SCMH1: variants seen among roughly 807,000 people sequenced by gnomAD.
The protein encoded by SCMH1 is Scm polycomb group protein homolog 1.
SCMH1 carries 37 observed loss-of-function variants against 70.8 expected under a neutral mutation model. That is an observed-to-expected ratio of 0.52 (90% CI 0.40 to 0.69). The LOEUF is 0.69. Among genes scored for constraint, SCMH1 ranks in the 30% least tolerant of loss-of-function variants. The pLI is 0.00. For missense variants in SCMH1, 607 were observed against 827.3 expected (o/e 0.73, Z 3.27); for synonymous variants, 292 against 307.4 (o/e 0.95, Z 0.52).
At chr1:41,143,590 A>G (rs1644292108) in intron 5 of SCMH1, among the ~76,000 whole-genome samples, 1 of 152,238 alleles carries the variant, frequency 6.6e-6, no homozygotes, top group African/African-American at 2.4e-5. Context: ...TACAATAGAC[A>G]TACAATAAAC....
chr1:41,233,241 T>C (rs1661658889), intron 1 of SCMH1, among the ~76,000 whole-genome samples: 1 of 152,156 alleles, frequency 6.6e-6, no homozygotes, highest in Non-Finnish European at 1.5e-5. Context: ...TATAACTCTT[T>C]CCACATACCA....
At chr1:41,178,242 T>C (rs751194797) in intron 2 of SCMH1, among the ~76,000 whole-genome samples, 133 of 152,230 alleles carry the variant, frequency 8.7e-4, no homozygotes, top group Non-Finnish European at 1.6e-3. Flanking sequence ...AAGGAAGCAC[T>C]AAACACGGAA....
intron 1 of SCMH1, among the ~76,000 whole-genome samples, 188 bp downstream of exon 1, chr1:41,241,871 C>T (rs1271060747): frequency 1.3e-5 from 2 of 151,740 alleles, no homozygotes; most frequent in Non-Finnish European, 2.9e-5. Flanking sequence ...CGGGCTGACA[C>T]GGCCGAGAAA....
chr1:41,104,202 C>T (rs1667309824), intron 8 of SCMH1, among the ~76,000 whole-genome samples: 1 of 152,160 alleles, frequency 6.6e-6, no homozygotes, highest in South Asian at 2.1e-4. Context: ...GGGAGGCAGA[C>T]ACTTGTCTAT....
At chr1:41,070,104 G>T (rs1216127517) in intron 10 of SCMH1, among the ~76,000 whole-genome samples, 6 of 152,124 alleles carry the variant, frequency 3.9e-5, no homozygotes, top group Non-Finnish European at 8.8e-5. Context: ...GACAGTTTAT[G>T]AAATGGGAAC....
chr1:41,163,215 G>A (rs550116675), intron 2 of SCMH1, among the ~76,000 whole-genome samples: 4 of 102,462 alleles, frequency 3.9e-5, no homozygotes, highest in Non-Finnish European at 7.8e-5. Context: ...GCCTCACAGA[G>A]AGCTGGCATC....
chr1:41,158,696 G>A (rs1645768499), intron 4 of SCMH1, among the ~76,000 whole-genome samples: 1 of 152,162 alleles, frequency 6.6e-6, no homozygotes, highest in African/African-American at 2.4e-5. Context: ...AAGCGTTTGG[G>A]GTGAAGTCAT....
At chr1:41,039,459 A>G (rs1571298014) in intron 12 of SCMH1, among the ~76,000 whole-genome samples, 1 of 151,910 alleles carries the variant, frequency 6.6e-6, no homozygotes, top group Non-Finnish European at 1.5e-5. Flanking sequence ...GGACAGTGCC[A>G]GAAAAGAAGA....
intron 10 of SCMH1, among the ~76,000 whole-genome samples, chr1:41,049,716 G>A (rs1455113453): frequency 2.7e-5 from 4 of 148,170 alleles, no homozygotes; most frequent in African/African-American, 5.0e-5. Context: ...GCAGTGAGCC[G>A]AGATTGCGCC....
intron 6 of SCMH1, among the ~76,000 whole-genome samples, chr1:41,135,660 A>C (rs1311813617): frequency 6.6e-6 from 1 of 152,190 alleles, no homozygotes; most frequent in Non-Finnish European, 1.5e-5. Flanking sequence ...GACTAATACA[A>C]GGCCTTTTAA....
At chr1:41,052,866 C>T (rs1426957686) in intron 10 of SCMH1, among the ~76,000 whole-genome samples, 1 of 149,962 alleles carries the variant, frequency 6.7e-6, no homozygotes, top group Non-Finnish European at 1.5e-5. Context: ...TGTCTTCCAT[C>T]TTCCTTGGAG....
chr1:41,228,138 G>C (rs1429611527), intron 1 of SCMH1, among the ~76,000 whole-genome samples: 1 of 152,172 alleles, frequency 6.6e-6, no homozygotes, highest in Non-Finnish European at 1.5e-5. Flanking sequence ...ATGCTGGAGG[G>C]GGCTATGAGG....
At chr1:41,073,750 G>GA (rs980926660) in intron 9 of SCMH1, among the ~76,000 whole-genome samples, 50 of 150,332 alleles carry the variant, frequency 3.3e-4, no homozygotes, top group Non-Finnish European at 6.1e-4. Context: ...TACCACAGGA[G>GA]AAAAAAAAAG....
At chr1:41,168,844 C>T (rs74069067) in intron 2 of SCMH1, among the ~76,000 whole-genome samples, 1,958 of 152,122 alleles carry the variant, frequency 0.013, 41 homozygotes, top group African/African-American at 0.045. Flanking sequence ...ATGGTCCCCT[C>T]GAGCTTAGGA....
chr1:41,223,732 G>A (rs1212034146), intron 1 of SCMH1, among the ~76,000 whole-genome samples: 1 of 152,032 alleles, frequency 6.6e-6, no homozygotes, highest in Non-Finnish European at 1.5e-5. Context: ...TATATTAGAT[G>A]GGATTAATTC....
intron 10 of SCMH1, among the ~76,000 whole-genome samples, chr1:41,055,624 G>A (rs1167685523): frequency 6.6e-6 from 1 of 152,202 alleles, no homozygotes; most frequent in African/African-American, 2.4e-5. Flanking sequence ...GAGCCACCGC[G>A]CCCGGCCTCA....
At chr1:41,187,249 G>A (rs1458691251) in intron 1 of SCMH1, among the ~76,000 whole-genome samples, 2 of 151,972 alleles carry the variant, frequency 1.3e-5, no homozygotes, top group African/African-American at 4.8e-5. Context: ...GATGCTTGAG[G>A]TCAGGAGTTC....
At chr1:41,172,200 A>C (rs1313550136) in intron 2 of SCMH1, among the ~76,000 whole-genome samples, 2 of 151,842 alleles carry the variant, frequency 1.3e-5, no homozygotes, top group Non-Finnish European at 2.9e-5. Flanking sequence ...AAAAAAAAAA[A>C]ACGCTGTACC....
intron 2 of SCMH1, among the ~76,000 whole-genome samples, chr1:41,179,189 A>G (rs1647927520): frequency 2.0e-5 from 3 of 152,234 alleles, no homozygotes; most frequent in Admixed American, 2.0e-4. Flanking sequence ...GAAACCAACG[A>G]GAACAAAGAC....
Sources: gnomAD v4.1 joint callset for allele counts (sites outside exome capture counted in the v4.1 genomes callset) on GRCh38, gnomAD v4.1.1 for gene constraint, MANE v1.5 for transcripts, NCBI Gene and HGNC (gene_info 2026-07-23, HGNC 2026-07-21) for gene names.